The following CLASP2 variants were observed in gnomAD, a reference collection of about 807,000 sequenced individuals.
CLASP2 encodes cytoplasmic linker associated protein 2, also known as CLIP-associating protein 2.
A neutral mutation model predicts 194.4 loss-of-function variants in CLASP2; 47 were observed. The observed-to-expected ratio is 0.24, with a 90% CI of 0.19 to 0.31. The LOEUF (loss-of-function observed/expected upper bound fraction) is 0.31, where lower values mean the gene tolerates loss of function less well. Ranked by LOEUF, CLASP2 falls within the 10% of genes least tolerant of loss-of-function variation. The pLI, the probability that CLASP2 is intolerant of heterozygous loss-of-function variation, is 1.00. For synonymous variants in CLASP2, 619 were observed against 633.5 expected, an observed-to-expected ratio of 0.98 and a Z score of 0.34; for missense variants, 1,445 against 1,823.6, an observed-to-expected ratio of 0.79 and a Z score of 3.78.
intron 5 of CLASP2, among the ~76,000 whole-genome samples, chr3:33,686,785 G>A (rs912556630): frequency 6.6e-6 from 1 of 152,122 alleles, no homozygotes; most frequent in Non-Finnish European, 1.5e-5. Context: ...GCAGGGAATC[G>A]AAGCTCTTTG....
At chr3:33,681,647 G>C (rs1025531584) in intron 6 of CLASP2, among the ~76,000 whole-genome samples, 1 of 152,114 alleles carries the variant, frequency 6.6e-6, no homozygotes, top group African/African-American at 2.4e-5. Context: ...AAAGAGTGTT[G>C]GAGTACATAA....
intron 13 of CLASP2, 68 bp downstream of exon 13, chr3:33,611,933 G>T: frequency 9.4e-7 from 1 of 1,063,032 alleles, no homozygotes; most frequent in South Asian, 1.5e-5. Flanking sequence ...TCTTGCAGCA[G>T]ACAAATAATT....
chr3:33,677,740 A>T (rs2089030936), intron 6 of CLASP2, among the ~76,000 whole-genome samples: 1 of 150,812 alleles, frequency 6.6e-6, no homozygotes, highest in Non-Finnish European at 1.5e-5. Context: ...AATGTCTAAC[A>T]CACGTGGGGC....
intron 1 of CLASP2, among the ~76,000 whole-genome samples, chr3:33,715,187 A>G (rs957153659): frequency 2.6e-5 from 4 of 152,174 alleles, no homozygotes; most frequent in South Asian, 2.1e-4. Flanking sequence ...CCCAAAGTAG[A>G]GTCTCATAAT....
chr3:33,529,256 T>C (rs1289222579), intron 34 of CLASP2, among the ~76,000 whole-genome samples: 1 of 152,162 alleles, frequency 6.6e-6, no homozygotes, highest in African/African-American at 2.4e-5. Flanking sequence ...CCCAAAGCAA[T>C]GTACAGATTC....
chr3:33,633,640 C>T (rs1345006821), intron 8 of CLASP2, among the ~76,000 whole-genome samples: 1 of 151,638 alleles, frequency 6.6e-6, no homozygotes, highest in East Asian at 1.9e-4. Flanking sequence ...CAAGGATGGA[C>T]TCACAAAGAA....
chr3:33,611,874 C>G, intron 13 of CLASP2, 127 bp downstream of exon 13: 1 of 658,140 alleles, frequency 1.5e-6, no homozygotes, highest in Non-Finnish European at 2.5e-6. Context: ...AAAAACAAAA[C>G]AAAACACTTT....
intron 18 of CLASP2, chr3:33,602,416 G>T: frequency 1.5e-6 from 1 of 671,698 alleles, no homozygotes; most frequent in South Asian, 1.6e-5. Flanking sequence ...CTACCCAAAA[G>T]AAAAAAATGG....
rs2046091529 is a variant in CLASP2, at chr3:33,498,581, GTCTA to G, written c.*46_*49del. The G allele has an allele frequency of 8.7e-7, 1 of 1,155,156 alleles. No homozygotes were observed. The highest frequency in any genetic ancestry group is 1.3e-6 in the Non-Finnish European group (1 of 772,050). The allele number at this position is 1,155,156 out of a possible 1,614,324, so 71.6% of individuals were successfully genotyped here. The stretch of plus-strand genomic sequence containing the variant: ...GAACTTCCTTTCATTGATGAGGGTG[GTCTA>G]TCTGTCCTTTCTTTTGAGAGACCTG... On this transcript the variant is annotated 3_prime_UTR_variant, in exon 39 of 39. Transcript: ENST00000682230.
chr3:33,521,162 A>AT (rs1380685143), intron 34 of CLASP2, among the ~76,000 whole-genome samples: 1 of 152,190 alleles, frequency 6.6e-6, no homozygotes, highest in Non-Finnish European at 1.5e-5. Flanking sequence ...ATGGGAAACT[A>AT]TGAGTCCCTA....
At chr3:33,579,024 T>C (rs1157792212) in intron 23 of CLASP2, among the ~76,000 whole-genome samples, 1 of 152,208 alleles carries the variant, frequency 6.6e-6, no homozygotes, top group African/African-American at 2.4e-5. Context: ...TAGGCAAATG[T>C]AGCAGAGAAT....
chr3:33,622,300 T>C lies in CLASP2; in HGVS notation c.1036-20A>G, dbSNP rs2154280256. 2 of 1,438,778 alleles carry C rather than the reference T, an allele frequency of 1.4e-6. No individual in the cohort carries two copies. The highest frequency in any genetic ancestry group is 5.1e-5 in the East Asian group (2 of 39,326). The allele number at this position is 1,438,778 out of a possible 1,614,324, so 89.1% of individuals were successfully genotyped here. Reference sequence around the variant, plus strand: ...CTTCAGCTGAAATAAAGAATTTTCATTATTGACAAAAAAGGTGGAAGTGCA... The same window carrying C: ...CTTCAGCTGAAATAAAGAATTTTCACTATTGACAAAAAAGGTGGAAGTGCA... On this transcript the variant is annotated intron_variant, in intron 10 of 38. Coordinates refer to ENST00000682230, the MANE Select transcript of CLASP2 (RefSeq NM_001365631.1).
chr3:33,584,973 G>C, intron 21 of CLASP2, 53 bp from the exon 22 acceptor site: 1 of 1,487,750 alleles, frequency 6.7e-7, no homozygotes, highest in Non-Finnish European at 9.1e-7. Flanking sequence ...AAGAGAATTT[G>C]CTGAAAGGAT....
At chr3:33,633,169 T>C (rs1296018861) in intron 8 of CLASP2, among the ~76,000 whole-genome samples, 3 of 152,182 alleles carry the variant, frequency 2.0e-5, no homozygotes, top group South Asian at 2.1e-4. Context: ...TAACACTCAC[T>C]GAATCAGCTC....
intron 1 of CLASP2, among the ~76,000 whole-genome samples, chr3:33,708,838 C>A (rs2092859466): frequency 6.6e-6 from 1 of 152,134 alleles, no homozygotes; most frequent in Non-Finnish European, 1.5e-5. Context: ...TTCTTCTCCA[C>A]ATCCTCTCCA....
rs1207721277 is a variant in CLASP2 at position 33,496,356 on chromosome 3, T to C, written c.*2275A>G. ...ATAGCAGGAGGAAAAATATAAACAGTAGCTTTTTGTGACCATTTTTAAGTA... is the reference window on the plus strand; with the variant it reads ...ATAGCAGGAGGAAAAATATAAACAGCAGCTTTTTGTGACCATTTTTAAGTA... On this transcript the variant is annotated 3_prime_UTR_variant, in exon 39 of 39. Coordinates refer to ENST00000682230, the MANE Select transcript of CLASP2 (RefSeq NM_001365631.1). The C allele has an allele frequency of 6.6e-6, 1 of 152,216 alleles. No individual in the cohort carries two copies. The highest frequency in any genetic ancestry group is 1.5e-5 in the Non-Finnish European group (1 of 68,024). 9.4% of individuals were successfully genotyped at this position (152,216 alleles called of 1,614,324 possible). A position where few individuals can be genotyped will look rare whatever the true frequency, so the allele number is the denominator to read the frequency against.
At chr3:33,692,318 A>G (rs913229989) in intron 2 of CLASP2, among the ~76,000 whole-genome samples, 2 of 152,190 alleles carry the variant, frequency 1.3e-5, no homozygotes, top group Non-Finnish European at 2.9e-5. Context: ...AAGAAAAGAC[A>G]CTTCATTCCT....
rs756678034 is a variant in CLASP2, at chr3:33,659,404, T to G, written c.715+4041A>C. 151 of 1,017,082 alleles carry G rather than the reference T, an allele frequency of 1.5e-4. 1 individual carries two copies. The Middle Eastern group carries it at 2.8e-3, about 19-fold the overall frequency. The allele number at this position is 1,017,082 out of a possible 1,614,324, so 63.0% of individuals were successfully genotyped here. On this transcript the variant is annotated intron_variant, in intron 7 of 38. Coordinates refer to ENST00000682230, the MANE Select transcript of CLASP2 (RefSeq NM_001365631.1). ...CAAGGCATGTGTTCAGCAATCATTT[T>G]CTGCTTCCCTAAAGATATCCATGTA...
In CLASP2 at chr3:33,611,984, C is replaced by CAAA. The variant is rs765566190; in HGVS notation, c.1388+14_1388+16dup. The stretch of plus-strand genomic sequence containing the variant: ...AGAGCTATACTAACAACAACAACAA[C>CAAA]AAAAAATTAAACTTACCTCCTCACG... On this transcript the variant is annotated intron_variant, in intron 13 of 38. Coordinates refer to ENST00000682230, the MANE Select transcript of CLASP2 (RefSeq NM_001365631.1). The CAAA allele has an allele frequency of 4.5e-6, 7 of 1,571,818 alleles. No homozygotes were observed. In the South Asian group the frequency reaches 7.9e-5, roughly 18 times the overall value.
Sources: gnomAD v4.1 joint callset for allele counts (sites outside exome capture counted in the v4.1 genomes callset) on GRCh38, gnomAD v4.1.1 for gene constraint, MANE v1.5 for transcripts, NCBI Gene and HGNC (gene_info 2026-07-23, HGNC 2026-07-21) for gene names.